Variants in PRODH2 observed in about 807,000 individuals in gnomAD.
PRODH2 encodes the protein proline dehydrogenase 2.
PRODH2 carries 49 observed loss-of-function variants against 51.9 expected under a neutral mutation model. The ratio of observed to expected loss-of-function variants is 0.94; its 90% CI spans 0.75 to 1.20. The LOEUF (loss-of-function observed/expected upper bound fraction) is 1.20, where lower values mean the gene tolerates loss of function less well. Ranked by LOEUF, PRODH2 falls within the 50% of genes most tolerant of loss-of-function variation. The probability of loss-of-function intolerance (pLI) is 0.00; values close to 1 mark genes in which losing one functional copy is unlikely to be tolerated. For synonymous variants in PRODH2, 249 were observed against 260.7 expected, an observed-to-expected ratio of 0.96 and a Z score of 0.43; for missense variants, 597 against 610.9, an observed-to-expected ratio of 0.98 and a Z score of 0.24.
At chr19:35,807,786 G>C (rs1972538863) in intron 4 of PRODH2, among the ~76,000 whole-genome samples, 2 of 150,346 alleles carry the variant, frequency 1.3e-5, no homozygotes, top group African/African-American at 2.5e-5. Context: ...ACTGACTTTT[G>C]TTTTGCTGAG....
intron 4 of PRODH2, among the ~76,000 whole-genome samples, chr19:35,809,498 T>C (rs1056543429): frequency 6.6e-6 from 1 of 152,164 alleles, no homozygotes; most frequent in Non-Finnish European, 1.5e-5. Flanking sequence ...ATTACAGGCA[T>C]GAGGCACTGC....
Position 35,812,527 on chromosome 19 carries a change from G to A in PRODH2, c.204C>T (p.Gly68=), listed in dbSNP as rs559098565. ...LLQAWSRRLL[G]SRLSGAFLRA... is the part of the protein sequence containing the mutation. ...GGAGAAATGCGCCTGAGAGCCGGGA[G>A]CCCAGGAGTCGCCGAGACCAGGCCT... Residue 68 remains glycine (G), a synonymous_variant, in exon 2 of 10, where the codon GGC becomes GGT. Coordinates refer to ENST00000653904, the MANE Select transcript of PRODH2 (RefSeq NM_021232.2). 6.2e-7 allele frequency: 1 copy of A among 1,614,162 alleles called. No homozygotes were observed. The highest frequency in any genetic ancestry group is 1.1e-5 in the South Asian group (1 of 91,082).
At chr19:35,809,974 A>AAAAAAAC in intron 4 of PRODH2, among the ~76,000 whole-genome samples, 1 of 139,976 alleles carries the variant, frequency 7.1e-6, no homozygotes, top group South Asian at 2.2e-4. Flanking sequence ...AAAAAAAAAA[A>AAAAAAAC]AAAAAAAAAA....
chr19:35,810,260 AAATAATAATAATAAT>A (rs10676244), intron 4 of PRODH2, among the ~76,000 whole-genome samples: 3 of 143,248 alleles, frequency 2.1e-5, no homozygotes, highest in Non-Finnish European at 3.0e-5. Flanking sequence ...CTCTGTCTTA[AAATAATAATAATAAT>A]AATAATAATA....
In PRODH2 at chr19:35,812,573, G is replaced by C. The variant is rs374218009; in HGVS notation, c.175-17C>G. 1 of 1,611,716 alleles carries C rather than the reference G, an allele frequency of 6.2e-7. No homozygotes were observed. The highest frequency in any genetic ancestry group is 8.5e-7 in the Non-Finnish European group (1 of 1,178,496). Reference sequence around the variant, plus strand: ...GGCCTGGAGCTGGGTGACAGGGAGCGAGGGCTCAGCGCCAGGCTATGAGGA... The same window carrying C: ...GGCCTGGAGCTGGGTGACAGGGAGCCAGGGCTCAGCGCCAGGCTATGAGGA... On this transcript the variant is annotated splice_polypyrimidine_tract_variant and intron_variant, in intron 1 of 9. Coordinates refer to ENST00000653904, the MANE Select transcript of PRODH2 (RefSeq NM_021232.2).
Position 35,803,054 on chromosome 19 carries a change from C to A in PRODH2, c.1026G>T (p.Met342Ile). Residue 342 changes from methionine to isoleucine, a missense_variant, in exon 8 of 10, where the codon ATG (methionine) becomes ATT (isoleucine). By Grantham distance (10) the Met-to-Ile change is conservative (BLOSUM62 1). Transcript: ENST00000653904. ...SQSYSRCLELMLTHVARHGPM... is the reference protein window; with the variant it reads ...SQSYSRCLELILTHVARHGPM... ...GGCCATGGCGGGCCACGTGCGTCAG[C>A]ATCAGTTCCAGGCAGCGGCTGTAAC... is the stretch of plus-strand genomic sequence containing the variant. The A allele has an allele frequency of 1.3e-6, 2 of 1,559,080 alleles. No homozygotes were observed. Among genetic ancestry groups the A allele is most frequent in the Non-Finnish European group, 8.7e-7 (1 of 1,147,648 alleles).
chr19:35,801,367 G>A (rs1303543169), intron 9 of PRODH2, among the ~76,000 whole-genome samples: 1 of 152,148 alleles, frequency 6.6e-6, no homozygotes, highest in African/African-American at 2.4e-5. Context: ...TTGGGAGGCT[G>A]AGGCAGGAGA....
In PRODH2 at chr19:35,806,724, G is replaced by C. The variant is rs182628111; in HGVS notation, c.785C>G (p.Pro262Arg). 6.2e-7 allele frequency: 1 copy of C among 1,613,908 alleles called. No individual in the cohort carries two copies. The highest frequency in any genetic ancestry group is 1.1e-5 in the South Asian group (1 of 91,078). ...VAALAVRWNSPGEGGPWVWNT... is the reference protein window; with the variant it reads ...VAALAVRWNSRGEGGPWVWNT... ...CCACACCCAGGGCCCGCCTTCACCC[G>C]GGCTGTTCCAGCGCACAGCCAGGGC... Residue 262 changes from proline to arginine, a missense_variant, in exon 6 of 10, where the codon CCG becomes CGG. By Grantham distance (103) the Pro-to-Arg change is moderately radical. Coordinates refer to ENST00000653904, the MANE Select transcript of PRODH2 (RefSeq NM_021232.2).
Position 35,812,426 on chromosome 19 carries a change from G to A in PRODH2, c.305C>T (p.Thr102Ile). ...TGCCAGCAGTGGTCGGAGGCTGAGG[G>A]TCCGCAGCTGCTGCACGCAGCCCTT... ...EVKGCVQQLR[T>I]LSLRPLLAVP... Residue 102 changes from threonine (T) to isoleucine (I), a missense_variant, in exon 2 of 10, where the codon ACC becomes ATC. By Grantham distance (89) the Thr-to-Ile change is moderately conservative. Coordinates refer to ENST00000653904, the MANE Select transcript of PRODH2 (RefSeq NM_021232.2). 1 of 1,614,222 alleles carries A rather than the reference G, an allele frequency of 6.2e-7. No individual in the cohort carries two copies. The highest frequency in any genetic ancestry group is 8.5e-7 in the Non-Finnish European group (1 of 1,180,050).
chr19:35,809,738 A>G (rs534219693), intron 4 of PRODH2, among the ~76,000 whole-genome samples: 1 of 149,866 alleles, frequency 6.7e-6, no homozygotes, highest in East Asian at 2.0e-4. Context: ...AGGCACGTGG[A>G]TCACGAGGTC....
intron 4 of PRODH2, among the ~76,000 whole-genome samples, chr19:35,810,055 G>A (rs946714707): frequency 2.0e-5 from 3 of 148,238 alleles, no homozygotes; most frequent in East Asian, 4.1e-4. Flanking sequence ...TTCACCTGGG[G>A]TCAGGAGTTC....
chr19:35,811,386 AAGAG>A lies in PRODH2; in HGVS notation c.597+572_597+575del, dbSNP rs143049724. 1.6e-4 allele frequency among the ~76,000 whole-genome samples: 22 copies of A among 135,432 alleles called. No homozygotes were observed. The South Asian group carries it at 1.9e-3, about 11-fold the overall frequency. 88.8% of individuals were successfully genotyped at this position (135,432 alleles called of 152,430 possible). A position where few individuals can be genotyped will look rare whatever the true frequency, so the allele number is the denominator to read the frequency against. ...TGTGCAATACAGTAAGACAAAGAGA[AAGAG>A]AGAGAGAGAGAGAGAGGAGGGAGGA... On this transcript the variant is annotated intron_variant, in intron 4 of 9. Coordinates refer to ENST00000653904, the MANE Select transcript of PRODH2 (RefSeq NM_021232.2).
intron 4 of PRODH2, among the ~76,000 whole-genome samples, chr19:35,811,446 A>AG (rs1972607600): frequency 1.0e-5 from 1 of 95,764 alleles, no homozygotes; most frequent in Non-Finnish European, 2.0e-5. Flanking sequence ...GAATAAAGGA[A>AG]GGAAGGAAGG....
At chr19:35,807,890 T>A (rs1972540152) in intron 4 of PRODH2, among the ~76,000 whole-genome samples, 1 of 152,074 alleles carries the variant, frequency 6.6e-6, no homozygotes, top group African/African-American at 2.4e-5. Context: ...ATCCTCCTGC[T>A]TCAGCCTTCC....
chr19:35,802,536 A>T, intron 8 of PRODH2: 1 of 552,448 alleles, frequency 1.8e-6, no homozygotes, highest in South Asian at 2.1e-5. Context: ...AAGGACTTAC[A>T]GGTATAGCAG....
chr19:35,803,019 TGGCACATGGGGCC>T lies in PRODH2; in HGVS notation c.1048_1060del (p.Gly350ThrfsTer44). ...CTCATTGTGGGAAGCCACCATGAGGTGGCACATGGGGCCATGGCGGGCCACGTGCGTCAGCATC... is the reference window on the plus strand; with the variant it reads ...CTCATTGTGGGAAGCCACCATGAGGTATGGCGGGCCACGTGCGTCAGCATC... On this transcript the variant is annotated frameshift_variant, in exon 8 of 10. Transcript: ENST00000653904. LOFTEE classifies it high-confidence loss of function. 1 of 1,577,262 alleles carries T rather than the reference TGGCACATGGGGCC, an allele frequency of 6.3e-7. No individual in the cohort carries two copies. The highest frequency in any genetic ancestry group is 1.2e-5 in the South Asian group (1 of 86,142).
chr19:35,807,147 A>G (rs1249848976), intron 4 of PRODH2, 26 bp from the exon 5 acceptor site: 2 of 1,512,654 alleles, frequency 1.3e-6, no homozygotes, highest in South Asian at 1.2e-5. Flanking sequence ...GGAAGTGGGG[A>G]AAAGCTTATA....
chr19:35,809,393 T>A (rs979430755), intron 4 of PRODH2, among the ~76,000 whole-genome samples: 1 of 150,946 alleles, frequency 6.6e-6, no homozygotes. Flanking sequence ...GATTTTTTAA[T>A]TTTTTTGTAG....
At chr19:35,801,306 A>G (rs1054715773) in intron 9 of PRODH2, among the ~76,000 whole-genome samples, 14 of 152,186 alleles carry the variant, frequency 9.2e-5, no homozygotes, top group Middle Eastern at 3.4e-3. Flanking sequence ...TCTCTACTAA[A>G]AATACAAAAA....
Sources: gnomAD v4.1 joint callset for allele counts (sites outside exome capture counted in the v4.1 genomes callset) on GRCh38, gnomAD v4.1.1 for gene constraint, MANE v1.5 for transcripts, NCBI Gene and HGNC (gene_info 2026-07-23, HGNC 2026-07-21) for gene names.